IFT74: variants seen among roughly 807,000 people sequenced by gnomAD.
IFT74 encodes the protein intraflagellar transport 74, also known as intraflagellar transport protein 74 homolog.
In IFT74, 92 loss-of-function variants were observed where a neutral mutation model predicts 96.7. The observed-to-expected ratio is 0.95, with a 90% CI of 0.80 to 1.13. The LOEUF is 1.13. Ranked by LOEUF, IFT74 falls within the 50% of genes most tolerant of loss-of-function variation. IFT74 has a pLI of 0.00. For missense variants in IFT74, 811 were observed against 698.2 expected (o/e 1.16, Z -1.82); for synonymous variants, 223 against 213.2 (o/e 1.05, Z -0.40).
chr9:27,049,095 A>C (rs1038884347), intron 16 of IFT74, among the ~76,000 whole-genome samples: 4 of 152,150 alleles, frequency 2.6e-5, no homozygotes, highest in Admixed American at 6.6e-5. Context: ...GCCTTGTAAC[A>C]TGCAGGCTCC....
At chr9:27,038,474 C>T (rs1819306984) in intron 13 of IFT74, among the ~76,000 whole-genome samples, 1 of 152,158 alleles carries the variant, frequency 6.6e-6, no homozygotes, top group Non-Finnish European at 1.5e-5. Context: ...ATTGCCCAGG[C>T]TGCTCTCTTG....
intron 13 of IFT74, among the ~76,000 whole-genome samples, chr9:27,042,928 G>A (rs891596799): frequency 1.3e-5 from 2 of 152,160 alleles, no homozygotes; most frequent in African/African-American, 4.8e-5. Context: ...TCAAAAACCT[G>A]TCTGTAGTAT....
intron 8 of IFT74, among the ~76,000 whole-genome samples, chr9:27,001,917 A>C (rs1337072263): frequency 2.0e-5 from 3 of 150,636 alleles, no homozygotes; most frequent in Non-Finnish European, 4.4e-5. Context: ...TTCTAGAGCA[A>C]TTCTCCAACG....
At chr9:27,046,576 G>A (rs1819709778) in intron 14 of IFT74, among the ~76,000 whole-genome samples, 1 of 152,090 alleles carries the variant, frequency 6.6e-6, no homozygotes, top group Non-Finnish European at 1.5e-5. Context: ...TAGTTGAAAT[G>A]AATCCAGCAT....
At chr9:27,009,797 T>C (rs764075462) in intron 9 of IFT74, among the ~76,000 whole-genome samples, 1 of 152,180 alleles carries the variant, frequency 6.6e-6, no homozygotes, top group Non-Finnish European at 1.5e-5. Flanking sequence ...GTCCTGTAAT[T>C]ATATTGCCTA....
At chr9:26,948,497 G>T in intron 1 of IFT74, among the ~76,000 whole-genome samples, 1 of 75,530 alleles carries the variant, frequency 1.3e-5, no homozygotes. Context: ...TTGAGACGGA[G>T]TGTCGCTCTG....
chr9:27,006,210 T>G (rs1828768366), intron 8 of IFT74, among the ~76,000 whole-genome samples: 1 of 152,156 alleles, frequency 6.6e-6, no homozygotes, highest in East Asian at 1.9e-4. Context: ...ACTTACTGAT[T>G]TAGAGTTTAC....
chr9:26,998,555 G>A (rs6475950), intron 8 of IFT74, among the ~76,000 whole-genome samples: 131,062 of 152,234 alleles, frequency 0.86, 56,567 homozygotes, highest in South Asian at 0.95. Flanking sequence ...ATGTGGAAAT[G>A]TATGGTAAAT....
At chr9:27,053,678 C>A (rs1169386924) in intron 16 of IFT74, among the ~76,000 whole-genome samples, 1 of 152,152 alleles carries the variant, frequency 6.6e-6, no homozygotes, top group Non-Finnish European at 1.5e-5. Context: ...GGAAGATAAA[C>A]TTTACCCTAT....
intron 8 of IFT74, chr9:26,996,509 C>T: frequency 1.4e-6 from 2 of 1,414,032 alleles, no homozygotes; most frequent in Non-Finnish European, 1.9e-6. Context: ...TCTAGTAAAT[C>T]AGAAAGAATA....
chr9:27,016,923 A>G lies in IFT74; in HGVS notation c.806A>G (p.Gln269Arg). Reference sequence around the variant, plus strand: ...TTCCTTTAGGAAATAGCTCACTCCCAGGTGAAACAGGAGGCGGTATTGCTG... The same window carrying G: ...TTCCTTTAGGAAATAGCTCACTCCCGGGTGAAACAGGAGGCGGTATTGCTG... ...ESLEAEIAHS[Q>R]VKQEAVLLHE... The change falls in exon 11 of 20, where the codon CAG becomes CGG. Residue 269 changes from glutamine to arginine, a missense_variant. Transcript: ENST00000380062. 1.9e-6 allele frequency: 3 copies of G among 1,605,566 alleles called. No homozygotes were observed. Among genetic ancestry groups the G allele is most frequent in the Non-Finnish European group, 2.6e-6 (3 of 1,176,326 alleles).
chr9:26,981,332 G>A (rs1399727898), intron 4 of IFT74, among the ~76,000 whole-genome samples: 1 of 147,932 alleles, frequency 6.8e-6, no homozygotes, highest in African/African-American at 2.5e-5. Flanking sequence ...CTGCAACCTT[G>A]AACTCCTGGG....
chr9:27,047,362 C>G lies in IFT74; in HGVS notation c.1197C>G (p.His399Gln). The G allele has an allele frequency of 1.2e-6, 2 of 1,606,846 alleles. No homozygotes were observed. Among genetic ancestry groups the G allele is most frequent in the Non-Finnish European group, 8.5e-7 (1 of 1,174,006 alleles). Residue 399 changes from histidine to glutamine, a missense_variant, in exon 15 of 20, where the codon CAC (histidine) becomes CAG (glutamine). By Grantham distance (24) the His-to-Gln change is conservative. Transcript: ENST00000380062. Reference sequence around the variant, plus strand: ...CCAACATTGTTGCACTCTTGGAGCACTGCAGTCGAGTGAGTACCATGTGCC... The same window carrying G: ...CCAACATTGTTGCACTCTTGGAGCAGTGCAGTCGAGTGAGTACCATGTGCC... ...IEANIVALLE[H>Q]CSRNINRIEQ...
chr9:27,042,693 C>A (rs969675023), intron 13 of IFT74, among the ~76,000 whole-genome samples: 1 of 152,100 alleles, frequency 6.6e-6, no homozygotes. Context: ...AGGATCCAGG[C>A]CTCCCTCCTA....
intron 2 of IFT74, among the ~76,000 whole-genome samples, chr9:26,967,605 T>C (rs1826683590): frequency 6.6e-6 from 1 of 152,152 alleles, no homozygotes. Flanking sequence ...GTCTGATTGC[T>C]CTAGCCAGGA....
intron 10 of IFT74, among the ~76,000 whole-genome samples, chr9:27,014,348 C>T (rs541868871): frequency 6.6e-6 from 1 of 152,288 alleles, no homozygotes; most frequent in African/African-American, 2.4e-5. Flanking sequence ...AGTATTAATA[C>T]AACCAGCTTG....
chr9:27,036,652 T>A, intron 13 of IFT74: 1 of 1,402,874 alleles, frequency 7.1e-7, no homozygotes, highest in South Asian at 1.8e-5. Context: ...ATTTTATTCA[T>A]TGGCTACTTG....
chr9:26,954,440 C>G (rs754467909), upstream of IFT74, among the ~76,000 whole-genome samples: 1 of 152,150 alleles, frequency 6.6e-6, no homozygotes, highest in Non-Finnish European at 1.5e-5. Flanking sequence ...GAGCCCCAAA[C>G]CACTTATGAT....
intron 13 of IFT74, among the ~76,000 whole-genome samples, chr9:27,033,994 T>A (rs1830244257): frequency 6.7e-6 from 1 of 150,078 alleles, no homozygotes; most frequent in Admixed American, 6.6e-5. Context: ...GAATTTGTAG[T>A]ACCACCGCGA....
Sources: gnomAD v4.1 joint callset for allele counts (sites outside exome capture counted in the v4.1 genomes callset) on GRCh38, gnomAD v4.1.1 for gene constraint, MANE v1.5 for transcripts, NCBI Gene and HGNC (gene_info 2026-07-23, HGNC 2026-07-21) for gene names.